Variants in PGBD5 observed in about 807,000 individuals in gnomAD.
PGBD5 encodes piggyBac transposable element derived 5.
PGBD5 carries 14 observed loss-of-function variants against 47.9 expected under a neutral mutation model. The observed-to-expected ratio is 0.29, with a 90% confidence interval of 0.19 to 0.46. The LOEUF (loss-of-function observed/expected upper bound fraction) is 0.46, where lower values mean the gene tolerates loss of function less well. Among genes scored for constraint, PGBD5 ranks in the 20% least tolerant of loss-of-function variants. PGBD5 has a pLI of 1.00. For missense variants in PGBD5, 635 were observed against 716.0 expected (o/e 0.89, Z 1.29); for synonymous variants, 316 against 306.3 (o/e 1.03, Z -0.33).
At chr1:230,375,416 A>G (rs1667996299) in intron 1 of PGBD5, among the ~76,000 whole-genome samples, 1 of 152,130 alleles carries the variant, frequency 6.6e-6, no homozygotes, top group Non-Finnish European at 1.5e-5. Context: ...GACAGCAGCT[A>G]AATGCCAGAC....
chr1:230,420,558 G>A (rs1028113956), intron 1 of PGBD5, among the ~76,000 whole-genome samples: 1 of 152,128 alleles, frequency 6.6e-6, no homozygotes, highest in African/African-American at 2.4e-5. Context: ...TGCTGTTCTC[G>A]TGACAGTGAG....
chr1:230,371,973 G>C (rs1333264435), intron 1 of PGBD5, among the ~76,000 whole-genome samples: 2 of 152,204 alleles, frequency 1.3e-5, no homozygotes, highest in East Asian at 1.9e-4. Context: ...TGGAAGAGGA[G>C]GGGATGGGAA....
Position 230,323,972 on chromosome 1 carries a change from G to A in PGBD5, c.1380-352C>T, listed in dbSNP as rs553894004. Among the ~76,000 whole-genome samples the A allele has an allele frequency of 1.3e-5, 2 of 152,344 alleles. No homozygotes were observed. The highest frequency in any genetic ancestry group is 3.9e-4 in the East Asian group (2 of 5,180). ...TGCTGAATGCTCCTTGCAAAGCTGT[G>A]CTCTGTACGTGCTGTGCAGCTGACA... On this transcript the variant is annotated intron_variant, in intron 6 of 6. Coordinates refer to ENST00000391860, the MANE Select transcript of PGBD5 (RefSeq NM_001258311.2). The surrounding 1 kb of genome is among the most constrained non-coding windows in gnomAD (Gnocchi z 4.1).
intron 1 of PGBD5, chr1:230,377,518 T>C (rs1668031550): frequency 1.9e-6 from 3 of 1,612,866 alleles, no homozygotes; most frequent in Non-Finnish European, 2.5e-6. Context: ...ATCGCTTGGC[T>C]GCAGATCCCG....
At chr1:230,330,406 T>C (rs1266679477) in intron 5 of PGBD5, among the ~76,000 whole-genome samples, 2 of 152,226 alleles carry the variant, frequency 1.3e-5, no homozygotes, top group Non-Finnish European at 2.9e-5. Flanking sequence ...AATGTTTATG[T>C]ATGAAGACAT....
chr1:230,338,888 G>A (rs1041744966), intron 3 of PGBD5, among the ~76,000 whole-genome samples: 1 of 152,194 alleles, frequency 6.6e-6, no homozygotes, highest in African/African-American at 2.4e-5. Context: ...TGTGCTTTCT[G>A]TCAGGAAGAG....
At chr1:230,340,375 TG>T (rs945592843) in intron 3 of PGBD5, among the ~76,000 whole-genome samples, 1 of 152,158 alleles carries the variant, frequency 6.6e-6, no homozygotes. Context: ...AAAATCATCA[TG>T]TAGAAAAAGT....
At chr1:230,411,494 A>G (rs1041537089) in intron 1 of PGBD5, among the ~76,000 whole-genome samples, 18 of 152,368 alleles carry the variant, frequency 1.2e-4, no homozygotes, top group Admixed American at 2.6e-4. Flanking sequence ...CAGTAAGTGG[A>G]AAAAATCAGA....
At chr1:230,377,478 C>A (rs1553286848) in intron 1 of PGBD5, 6 of 1,611,536 alleles carry the variant, frequency 3.7e-6, no homozygotes, top group Non-Finnish European at 5.1e-6. Flanking sequence ...GCTGGAAGGG[C>A]CTTACTAAGA....
At chr1:230,324,842 A>C (rs777338357) in intron 6 of PGBD5, among the ~76,000 whole-genome samples, 21 of 152,214 alleles carry the variant, frequency 1.4e-4, no homozygotes, top group Non-Finnish European at 2.6e-4. Flanking sequence ...CTGGTGATCT[A>C]AATAGGCATC....
At chr1:230,404,877 A>G (rs1657262178) in intron 1 of PGBD5, among the ~76,000 whole-genome samples, 2 of 139,852 alleles carry the variant, frequency 1.4e-5, no homozygotes, top group Admixed American at 8.1e-5. Flanking sequence ...GTGAGCCAAG[A>G]TTGTGCCATT....
rs770667148 is a variant in PGBD5 at position 230,323,613 on chromosome 1, T to G, written c.1387A>C (p.Ile463Leu). 3 of 1,613,378 alleles carry G rather than the reference T, an allele frequency of 1.9e-6. No homozygotes were observed. In the South Asian group the frequency reaches 3.3e-5, roughly 18 times the overall value. The change falls in exon 7 of 7, where the codon ATT becomes CTT. Residue 463 changes from isoleucine to leucine, a missense_variant. By Grantham distance (5) the Ile-to-Leu change is conservative. Transcript: ENST00000391860. This position sits in a 1 kb window ranked among gnomAD's most constrained non-coding sequence, Gnocchi z 4.1. ...CAGGTCTTGTTTGGTTTATGAGAAA[T>G]GAAATACCTGAGGACAGAGGGAATA... ...RYDDKYSKYF[I>L]SHKPNKTWQQ...
At chr1:230,352,358 C>G (rs1048657219) in intron 2 of PGBD5, among the ~76,000 whole-genome samples, 1 of 152,086 alleles carries the variant, frequency 6.6e-6, no homozygotes, top group African/African-American at 2.4e-5. Flanking sequence ...TTCTGTGAGG[C>G]CGGGTCTGAG....
intron 1 of PGBD5, among the ~76,000 whole-genome samples, chr1:230,367,536 T>TAC: frequency 6.6e-6 from 1 of 152,092 alleles, no homozygotes; most frequent in East Asian, 1.9e-4. Context: ...ACCCCATCTC[T>TAC]ACACACACAC....
In PGBD5 at chr1:230,337,284, T is replaced by A. The variant is rs774434503; in HGVS notation, c.899A>T (p.Tyr300Phe). The change falls in exon 4 of 7, where the codon TAT (tyrosine) becomes TTT (phenylalanine). Residue 300 changes from tyrosine (Y) to phenylalanine (F), a missense_variant. By Grantham distance (22) the Tyr-to-Phe change is conservative (BLOSUM62 3). Transcript: ENST00000391860. ...CSSTGFIIQI[Y>F]VHLKEGGGPD... ...GCCCCCACCTTCCTTCAGGTGGACATAAATCTTTAACAGAAACACACAGAG... is the reference window on the plus strand; with the variant it reads ...GCCCCCACCTTCCTTCAGGTGGACAAAAATCTTTAACAGAAACACACAGAG... The A allele has an allele frequency of 6.2e-7, 1 of 1,608,478 alleles. No individual in the cohort carries two copies. Among genetic ancestry groups the A allele is most frequent in the African/African-American group, 1.3e-5 (1 of 74,838 alleles).
At chr1:230,377,819 C>A (rs951877621) in intron 1 of PGBD5, among the ~76,000 whole-genome samples, 1 of 152,224 alleles carries the variant, frequency 6.6e-6, no homozygotes, top group African/African-American at 2.4e-5. Flanking sequence ...ATTATGAATG[C>A]CGTCTGATGC....
At chr1:230,416,503 T>C (rs1657515638) in intron 1 of PGBD5, among the ~76,000 whole-genome samples, 2 of 152,226 alleles carry the variant, frequency 1.3e-5, no homozygotes, top group African/African-American at 2.4e-5. Flanking sequence ...AATTAGCTTA[T>C]GCAGGTGGCA....
intron 1 of PGBD5, among the ~76,000 whole-genome samples, chr1:230,361,015 G>T (rs1474582199): frequency 6.6e-6 from 1 of 152,158 alleles, no homozygotes; most frequent in African/African-American, 2.4e-5. Flanking sequence ...ACTCACAGCT[G>T]GGGAGGCCTT....
chr1:230,338,140 C>T (rs1667355208), intron 3 of PGBD5, among the ~76,000 whole-genome samples: 1 of 149,286 alleles, frequency 6.7e-6, no homozygotes, highest in Non-Finnish European at 1.5e-5. Flanking sequence ...CGCATGTTGC[C>T]TGTGGTTTCT....
Sources: gnomAD v4.1 joint callset for allele counts (sites outside exome capture counted in the v4.1 genomes callset) on GRCh38, gnomAD v4.1.1 for gene constraint, Gnocchi (gnomAD v3.1) non-coding constraint, MANE v1.5 for transcripts, NCBI Gene and HGNC (gene_info 2026-07-23, HGNC 2026-07-21) for gene names.